Variants in MEIKIN observed in about 807,000 individuals in gnomAD.
The protein encoded by MEIKIN is meiotic kinetochore factor, also known as meiosis-specific kinetochore protein.
intron 11 of MEIKIN, among the ~76,000 whole-genome samples, chr5:131,820,475 T>C (rs1264746468): frequency 1.3e-5 from 2 of 152,178 alleles, no homozygotes; most frequent in South Asian, 2.1e-4. Context: ...GAGATACTGG[T>C]TTATAATTTT....
chr5:131,886,461 T>A (rs1412887628), intron 8 of MEIKIN, among the ~76,000 whole-genome samples: 1 of 152,192 alleles, frequency 6.6e-6, no homozygotes, highest in Admixed American at 6.5e-5. Flanking sequence ...AGGAGCAGAC[T>A]TTTCAGTGGA....
At chr5:131,935,474 G>A (rs1419061916) in intron 4 of MEIKIN, among the ~76,000 whole-genome samples, 1 of 152,102 alleles carries the variant, frequency 6.6e-6, no homozygotes, top group African/African-American at 2.4e-5. Context: ...ACAGAACATA[G>A]TACTAAAAGT....
At chr5:131,871,214 G>A (rs929283003) in intron 9 of MEIKIN, among the ~76,000 whole-genome samples, 17 of 152,206 alleles carry the variant, frequency 1.1e-4, no homozygotes, top group South Asian at 2.1e-4. Context: ...CACCTCACCC[G>A]GGAAGCACAA....
At chr5:131,807,495 A>G (rs545235704) in intron 12 of MEIKIN, among the ~76,000 whole-genome samples, 2 of 152,332 alleles carry the variant, frequency 1.3e-5, no homozygotes, top group Admixed American at 1.3e-4. Flanking sequence ...GATCTGCTCA[A>G]TAACATTCTG....
At chr5:131,897,805 T>C in intron 8 of MEIKIN, among the ~76,000 whole-genome samples, 1 of 152,090 alleles carries the variant, frequency 6.6e-6, no homozygotes, top group East Asian at 1.9e-4. Flanking sequence ...TTTTTCAAGG[T>C]TTTTAGCTTG....
At chr5:131,924,336 T>G (rs1472103610) in intron 5 of MEIKIN, among the ~76,000 whole-genome samples, 1 of 152,188 alleles carries the variant, frequency 6.6e-6, no homozygotes, top group Non-Finnish European at 1.5e-5. Context: ...ATTTTGGATA[T>G]TCACACAGGG....
chr5:131,900,793 T>G (rs62384091), intron 8 of MEIKIN, among the ~76,000 whole-genome samples: 1,566 of 152,186 alleles, frequency 0.01, 20 homozygotes, highest in Middle Eastern at 0.037. Flanking sequence ...GAGAGCAGCA[T>G]CATAGCTCCT....
chr5:131,888,106 T>A (rs572620560), intron 8 of MEIKIN, among the ~76,000 whole-genome samples: 157 of 147,334 alleles, frequency 1.1e-3, no homozygotes, highest in African/African-American at 3.8e-3. Context: ...ATCCAGTCTA[T>A]CATCGTTGGA....
intron 8 of MEIKIN, among the ~76,000 whole-genome samples, chr5:131,889,117 T>G (rs563394865): frequency 1.6e-4 from 25 of 152,270 alleles, no homozygotes; most frequent in Non-Finnish European, 2.5e-4. Context: ...ACTGTAGCCT[T>G]GTAGTATAGT....
intron 11 of MEIKIN, among the ~76,000 whole-genome samples, chr5:131,844,235 T>C (rs1749970661): frequency 6.6e-6 from 1 of 152,006 alleles, no homozygotes; most frequent in Admixed American, 6.6e-5. Context: ...AACAAGAGAT[T>C]TGGGAGAGGA....
intron 8 of MEIKIN, among the ~76,000 whole-genome samples, chr5:131,898,426 C>T (rs566286949): frequency 6.6e-6 from 1 of 152,212 alleles, no homozygotes; most frequent in Non-Finnish European, 1.5e-5. Context: ...AGAGCTCAAA[C>T]GCTGTGCTGG....
At chr5:131,912,668 C>G (rs142356978) in intron 7 of MEIKIN, among the ~76,000 whole-genome samples, 113 of 152,236 alleles carry the variant, frequency 7.4e-4, no homozygotes, top group South Asian at 6.2e-3. Flanking sequence ...TTAAACGTAT[C>G]CTGTCAAAAT....
intron 9 of MEIKIN, among the ~76,000 whole-genome samples, chr5:131,878,166 T>C (rs1016615302): frequency 1.3e-5 from 2 of 152,218 alleles, no homozygotes; most frequent in East Asian, 1.9e-4. Flanking sequence ...ATAGAGTATA[T>C]ACTCATTTAT....
At chr5:131,938,517 T>C (rs990766287) in intron 4 of MEIKIN, among the ~76,000 whole-genome samples, 2 of 152,206 alleles carry the variant, frequency 1.3e-5, no homozygotes, top group Admixed American at 1.3e-4. Flanking sequence ...TGTAGACTTA[T>C]GGAGTTGTGT....
intron 11 of MEIKIN, among the ~76,000 whole-genome samples, chr5:131,839,476 T>A (rs1236030387): frequency 6.6e-6 from 1 of 152,230 alleles, no homozygotes; most frequent in Non-Finnish European, 1.5e-5. Context: ...ACTATTATTG[T>A]GTGAAAGTCT....
At chr5:131,920,342 C>G (rs1018389142) in intron 6 of MEIKIN, among the ~76,000 whole-genome samples, 1 of 152,032 alleles carries the variant, frequency 6.6e-6, no homozygotes, top group Non-Finnish European at 1.5e-5. Flanking sequence ...CAGGAAAGAA[C>G]AGAATAAAAA....
At chr5:131,939,338 G>T in intron 4 of MEIKIN, among the ~76,000 whole-genome samples, 2 of 148,180 alleles carry the variant, frequency 1.3e-5, no homozygotes, top group East Asian at 2.0e-4. Context: ...TTTGTTTCTT[G>T]GTTTGTCTCT....
intron 9 of MEIKIN, among the ~76,000 whole-genome samples, chr5:131,858,518 C>T (rs1266910609): frequency 6.6e-6 from 1 of 152,084 alleles, no homozygotes. Flanking sequence ...TGAACATAGA[C>T]CCTGGCAAAG....
intron 9 of MEIKIN, among the ~76,000 whole-genome samples, chr5:131,873,353 T>C (rs1021217080): frequency 2.6e-5 from 4 of 152,178 alleles, no homozygotes; most frequent in African/African-American, 9.7e-5. Context: ...GTAATCCTAG[T>C]CTCTGATAAA....
Sources: allele counts gnomAD v4.1 joint callset (sites outside exome capture counted in the v4.1 genomes callset), GRCh38; gene constraint gnomAD v4.1.1; transcripts MANE v1.5; gene names NCBI Gene and HGNC (gene_info 2026-07-23, HGNC 2026-07-21).